Variants in CREB5 observed in about 807,000 individuals in gnomAD.
The protein encoded by CREB5 is cyclic AMP-responsive element-binding protein 5.
Under a neutral mutation model 57.1 loss-of-function variants are expected in CREB5, and 19 were observed. The observed-to-expected ratio is 0.33, with a 90% CI of 0.23 to 0.49. The LOEUF is 0.49. CREB5 is among the 20% of genes least tolerant of loss of function. The probability of loss-of-function intolerance (pLI) is 0.99; values close to 1 mark genes in which losing one functional copy is unlikely to be tolerated. For missense variants in CREB5, 579 were observed against 671.6 expected (o/e 0.86, Z 1.52); for synonymous variants, 238 against 238.3 (o/e 1.00, Z 0.01).
intron 6 of CREB5, among the ~76,000 whole-genome samples, chr7:28,720,094 A>G (rs543684948): frequency 3.3e-5 from 5 of 152,252 alleles, no homozygotes; most frequent in South Asian, 4.1e-4. Context: ...ATAGATAAAC[A>G]TAGAAGGGAG....
chr7:28,468,231 C>A (rs1398095768), intron 1 of CREB5, among the ~76,000 whole-genome samples: 1 of 152,188 alleles, frequency 6.6e-6, no homozygotes. Flanking sequence ...AGGGCCAGCA[C>A]CAGGTCCTGT....
intron 7 of CREB5, among the ~76,000 whole-genome samples, chr7:28,784,502 T>C (rs1161956530): frequency 6.6e-6 from 1 of 152,114 alleles, no homozygotes; most frequent in Non-Finnish European, 1.5e-5. Flanking sequence ...GGATTTTTTT[T>C]TCCCCCTCCT....
intron 5 of CREB5, among the ~76,000 whole-genome samples, chr7:28,662,384 T>C (rs771569968): frequency 6.6e-6 from 1 of 152,202 alleles, no homozygotes; most frequent in Non-Finnish European, 1.5e-5. Context: ...CTCAGCACTG[T>C]ATTTCAAGCT....
chr7:28,574,152 A>G (rs1287799538), intron 5 of CREB5, among the ~76,000 whole-genome samples: 1 of 152,216 alleles, frequency 6.6e-6, no homozygotes, highest in Admixed American at 6.5e-5. Context: ...GTTTTCAGAG[A>G]TAAGTTTCCC....
chr7:28,580,558 G>GTTGTGTGTGTGT (rs374980944), intron 5 of CREB5, among the ~76,000 whole-genome samples: 5 of 124,912 alleles, frequency 4.0e-5, no homozygotes, highest in Non-Finnish European at 6.6e-5. Flanking sequence ...TTGGCAAATT[G>GTTGTGTGTGTGT]GTGTGTGTGT....
At chr7:28,518,321 G>C (rs989877009) in intron 4 of CREB5, among the ~76,000 whole-genome samples, 64 of 152,318 alleles carry the variant, frequency 4.2e-4, no homozygotes, top group African/African-American at 1.5e-3. Flanking sequence ...CCCCAAAGAA[G>C]AAAAGCAGTC....
chr7:28,480,402 G>T (rs768570571), intron 1 of CREB5, among the ~76,000 whole-genome samples: 1 of 152,170 alleles, frequency 6.6e-6, no homozygotes, highest in Non-Finnish European at 1.5e-5. Context: ...AGTTCATGGG[G>T]GCAGTTATTT....
chr7:28,409,965 T>TC (rs755821379), upstream of CREB5: 3 of 453,376 alleles, frequency 6.6e-6, no homozygotes, highest in South Asian at 3.1e-5. The surrounding 1 kb of genome is among the most constrained non-coding windows in gnomAD (Gnocchi z 4.4). Flanking sequence ...GCCAGGAACC[T>TC]CCCCCCGCGT....
At chr7:28,465,105 G>A (rs1001365256) in intron 1 of CREB5, among the ~76,000 whole-genome samples, 1 of 152,192 alleles carries the variant, frequency 6.6e-6, no homozygotes, top group Non-Finnish European at 1.5e-5. Context: ...GAAGTCCAGA[G>A]GATAGGATGC....
intron 5 of CREB5, among the ~76,000 whole-genome samples, chr7:28,656,288 C>T (rs886113917): frequency 9.9e-5 from 15 of 152,078 alleles, no homozygotes; most frequent in African/African-American, 2.7e-4. Flanking sequence ...AAGATGAAGA[C>T]GAGAGAGGTT....
chr7:28,613,725 G>A (rs1797490404), intron 5 of CREB5, among the ~76,000 whole-genome samples: 1 of 152,128 alleles, frequency 6.6e-6, no homozygotes, highest in African/African-American at 2.4e-5. Context: ...AGGCATTTGT[G>A]GAAATCTTGA....
chr7:28,528,261 A>G (rs1793533124), intron 4 of CREB5, among the ~76,000 whole-genome samples: 3 of 152,240 alleles, frequency 2.0e-5, no homozygotes, highest in South Asian at 4.1e-4. Flanking sequence ...GACATAGGCT[A>G]TCACTGAGTC....
intron 1 of CREB5, among the ~76,000 whole-genome samples, chr7:28,333,904 A>G (rs1348629560): frequency 6.6e-6 from 1 of 152,204 alleles, no homozygotes; most frequent in Admixed American, 6.5e-5. Context: ...TCTTTTGGGT[A>G]TATACCCAGC....
At chr7:28,809,532 A>C (rs1448193286) in intron 9 of CREB5, 118 bp downstream of exon 9, 1 of 883,974 alleles carries the variant, frequency 1.1e-6, no homozygotes, top group Non-Finnish European at 1.7e-6. Flanking sequence ...TCCACAGAGG[A>C]GCCGCAGCCC....
At chr7:28,456,636 T>C (rs538761425) in intron 1 of CREB5, among the ~76,000 whole-genome samples, 2 of 152,360 alleles carry the variant, frequency 1.3e-5, no homozygotes, top group South Asian at 2.1e-4. Context: ...TGGATGTTGT[T>C]GTAGTTCCAA....
At chr7:28,758,016 G>A (rs537872163) in intron 7 of CREB5, among the ~76,000 whole-genome samples, 11 of 152,290 alleles carry the variant, frequency 7.2e-5, no homozygotes, top group East Asian at 5.8e-4. Flanking sequence ...AACAGTAGTC[G>A]TTTTGTAGCA....
In CREB5 at chr7:28,519,478, G is replaced by A. The variant is rs1257540615; in HGVS notation, c.291+11741G>A. The stretch of plus-strand genomic sequence containing the variant: ...GCTGCCCTTTGATTTTGAAGATGGC[G>A]TCACTGATTTACCCATAAGCTGGAG... On this transcript the variant is annotated intron_variant, in intron 4 of 10. Coordinates refer to ENST00000357727, the MANE Select transcript of CREB5 (RefSeq NM_182898.4). 4.6e-5 allele frequency among the ~76,000 whole-genome samples: 7 copies of A among 152,134 alleles called. No homozygotes were observed. The East Asian group carries it at 5.8e-4, about 13-fold the overall frequency.
chr7:28,360,825 T>A (rs2127992095), intron 1 of CREB5, among the ~76,000 whole-genome samples: 1 of 152,332 alleles, frequency 6.6e-6, no homozygotes, highest in Non-Finnish European at 1.5e-5. Context: ...TTGGTACTGG[T>A]CTGGGAGCAA....
rs1361802322 is a variant in CREB5 at position 28,825,872 on chromosome 7, A to G, written c.*6593A>G. Reference sequence around the variant, plus strand: ...TTAATATCACTGCAATTCCAATATAATAAAGCACTCAAATGCAAATAATAT... The same window carrying G: ...TTAATATCACTGCAATTCCAATATAGTAAAGCACTCAAATGCAAATAATAT... On this transcript the variant is annotated 3_prime_UTR_variant, in exon 11 of 11. Coordinates refer to ENST00000357727, the MANE Select transcript of CREB5 (RefSeq NM_182898.4). 2 of 152,640 alleles carry G rather than the reference A, an allele frequency of 1.3e-5. No individual in the cohort carries two copies. Among genetic ancestry groups the G allele is most frequent in the African/African-American group, 2.4e-5 (1 of 41,450 alleles). The allele number at this position is 152,640 out of a possible 1,614,324, so 9.5% of individuals were successfully genotyped here.
Sources: gnomAD v4.1 joint callset for allele counts (sites outside exome capture counted in the v4.1 genomes callset) on GRCh38, gnomAD v4.1.1 for gene constraint, Gnocchi (gnomAD v3.1) non-coding constraint, MANE v1.5 for transcripts, NCBI Gene and HGNC (gene_info 2026-07-23, HGNC 2026-07-21) for gene names.